PPP2R5E: variants seen among roughly 807,000 people sequenced by gnomAD.
The protein encoded by PPP2R5E is serine/threonine-protein phosphatase 2A 56 kDa regulatory subunit epsilon isoform.
PPP2R5E carries 4 observed loss-of-function variants against 65.3 expected under a neutral mutation model. That is an observed-to-expected ratio of 0.06 (90% CI 0.03 to 0.14). The LOEUF is 0.14. Ranked by LOEUF, PPP2R5E falls within the 10% of genes least tolerant of loss-of-function variation. The pLI, the probability that PPP2R5E is intolerant of heterozygous loss-of-function variation, is 1.00. For missense variants in PPP2R5E, 274 were observed against 556.1 expected (o/e 0.49, Z 5.10); for synonymous variants, 183 against 187.4 (o/e 0.98, Z 0.19).
At chr14:63,405,334 G>A (rs1325419636) in intron 5 of PPP2R5E, among the ~76,000 whole-genome samples, 1 of 152,150 alleles carries the variant, frequency 6.6e-6, no homozygotes, top group Non-Finnish European at 1.5e-5. Context: ...AAGGCCTTGT[G>A]GAATTTATTT....
At chr14:63,391,532 T>C (rs1338565204) in intron 10 of PPP2R5E, among the ~76,000 whole-genome samples, 1 of 152,202 alleles carries the variant, frequency 6.6e-6, no homozygotes, top group African/African-American at 2.4e-5. Context: ...CAAGCGATTC[T>C]CCTGCCTCAG....
intron 3 of PPP2R5E, among the ~76,000 whole-genome samples, chr14:63,445,951 G>A (rs1201782851): frequency 1.3e-5 from 2 of 152,096 alleles, no homozygotes; most frequent in Non-Finnish European, 2.9e-5. Flanking sequence ...ATCCACAATG[G>A]AACTTCTTTT....
At position 63,481,158 on chromosome 14, in the gene PPP2R5E, TA is replaced by T. The variant is rs1890677406; in HGVS notation, c.158-27274del. Among the ~76,000 whole-genome samples the T allele has an allele frequency of 3.3e-5, 5 of 152,132 alleles. No individual in the cohort carries two copies. In the South Asian group the frequency reaches 1.0e-3, roughly 31 times the overall value. Reference sequence around the variant, plus strand: ...TTCCCATTCCTATCTCTTATTTATATAATTAGGATTTGTCAGTGCTCTATCA... The same window carrying T: ...TTCCCATTCCTATCTCTTATTTATATATTAGGATTTGTCAGTGCTCTATCA... On this transcript the variant is annotated intron_variant, in intron 2 of 13. Coordinates refer to ENST00000337537, the MANE Select transcript of PPP2R5E (RefSeq NM_006246.5).
chr14:63,485,688 A>G (rs1890953956), intron 2 of PPP2R5E, among the ~76,000 whole-genome samples: 1 of 152,110 alleles, frequency 6.6e-6, no homozygotes, highest in Non-Finnish European at 1.5e-5. Flanking sequence ...TGCTGAGATT[A>G]CAGGCATGAG....
chr14:63,527,664 G>A (rs1594974281), intron 2 of PPP2R5E, among the ~76,000 whole-genome samples: 1 of 152,122 alleles, frequency 6.6e-6, no homozygotes, highest in African/African-American at 2.4e-5. Flanking sequence ...GCCAGGTGTG[G>A]TGGCTCAATG....
At chr14:63,527,983 A>T (rs1893250645) in intron 2 of PPP2R5E, among the ~76,000 whole-genome samples, 1 of 151,954 alleles carries the variant, frequency 6.6e-6, no homozygotes, top group African/African-American at 2.4e-5. Context: ...AAACTCAGGT[A>T]TGTGTGACCC....
Position 63,474,764 on chromosome 14 carries a change from G to A in PPP2R5E, c.158-20879C>T, listed in dbSNP as rs148952712. On this transcript the variant is annotated intron_variant, in intron 2 of 13. Coordinates refer to ENST00000337537, the MANE Select transcript of PPP2R5E (RefSeq NM_006246.5). ...GAAAAAAAGGAAGAAAAGAAATGTG[G>A]ACACCAACAACATATAAATGGTAAT... 5.2e-3 allele frequency among the ~76,000 whole-genome samples: 791 copies of A among 151,274 alleles called. 5 individuals are homozygous for A. The highest frequency in any genetic ancestry group is 0.018 in the African/African-American group (753 of 41,128).
chr14:63,514,071 C>CTGT (rs1415159727), intron 2 of PPP2R5E, among the ~76,000 whole-genome samples: 2 of 152,142 alleles, frequency 1.3e-5, no homozygotes, highest in Non-Finnish European at 2.9e-5. Flanking sequence ...AGTCTAAGCC[C>CTGT]CAGATATGAC....
chr14:63,420,502 T>C (rs1454121372), intron 4 of PPP2R5E, among the ~76,000 whole-genome samples: 1 of 152,136 alleles, frequency 6.6e-6, no homozygotes, highest in Non-Finnish European at 1.5e-5. Context: ...TTTAACTAAT[T>C]TACCCAGTCT....
At chr14:63,462,979 G>A (rs1889567113) in intron 2 of PPP2R5E, among the ~76,000 whole-genome samples, 2 of 150,676 alleles carry the variant, frequency 1.3e-5, no homozygotes, top group Admixed American at 6.6e-5. Flanking sequence ...GCGCATGCCT[G>A]TAATCCCAGC....
intron 5 of PPP2R5E, among the ~76,000 whole-genome samples, chr14:63,401,993 T>C (rs1885779621): frequency 6.6e-6 from 1 of 152,152 alleles, no homozygotes; most frequent in Non-Finnish European, 1.5e-5. Context: ...CAGATCCCTA[T>C]CCCATGTGGT....
rs536271256 is a variant in PPP2R5E, at chr14:63,385,596, C to T, written c.1075-1025G>A. Among the ~76,000 whole-genome samples the T allele has an allele frequency of 1.1e-4, 16 of 152,204 alleles. No homozygotes were observed. The South Asian group carries it at 1.9e-3, about 18-fold the overall frequency. On this transcript the variant is annotated intron_variant, in intron 11 of 13. Transcript: ENST00000337537. The stretch of plus-strand genomic sequence containing the variant: ...CCCACAGTTGCTCATCCCTGTAGAG[C>T]GGCCAATATTTACTAAGTACCTCCT...
chr14:63,507,768 C>T (rs1056931309), intron 2 of PPP2R5E, among the ~76,000 whole-genome samples: 4 of 151,762 alleles, frequency 2.6e-5, no homozygotes, highest in Admixed American at 6.6e-5. Context: ...TTAGTAGAGA[C>T]GGGGTTTCAC....
At chr14:63,452,344 A>C (rs1013781083) in intron 3 of PPP2R5E, 1 of 152,230 alleles carries the variant, frequency 6.6e-6, no homozygotes, top group East Asian at 1.9e-4. Flanking sequence ...GTTTCTCAAC[A>C]GTGGCACTTG....
intron 5 of PPP2R5E, among the ~76,000 whole-genome samples, chr14:63,412,101 T>A (rs1198540824): frequency 6.6e-6 from 1 of 152,186 alleles, no homozygotes; most frequent in Non-Finnish European, 1.5e-5. Flanking sequence ...GAATAAGGGA[T>A]AAATGATTCC....
Position 63,424,765 on chromosome 14 carries a change from A to G in PPP2R5E, c.355-2671T>C, listed in dbSNP as rs549441638. 2.4e-4 allele frequency among the ~76,000 whole-genome samples: 36 copies of G among 151,972 alleles called. No homozygotes were observed. The East Asian group carries it at 7.0e-3, about 29-fold the overall frequency. On this transcript the variant is annotated intron_variant, in intron 3 of 13. Transcript: ENST00000337537. ...GGCTCCATCTCAAAAAAAAAAAAAAAGACAGAAAGGGTCCTTGGGCACCCA... is the reference window on the plus strand; with the variant it reads ...GGCTCCATCTCAAAAAAAAAAAAAAGGACAGAAAGGGTCCTTGGGCACCCA...
intron 2 of PPP2R5E, among the ~76,000 whole-genome samples, chr14:63,528,096 G>C (rs1300635728): frequency 6.6e-6 from 1 of 151,306 alleles, no homozygotes; most frequent in African/African-American, 2.4e-5. Context: ...AAATACAAAA[G>C]GTAGAAACCA....
At position 63,530,728 on chromosome 14, in the gene PPP2R5E, C is replaced by T. The variant is rs1311904269; in HGVS notation, c.157+8801G>A. On this transcript the variant is annotated intron_variant, in intron 2 of 13. Transcript: ENST00000337537. ...TCTGCCTCCCAGTTCAAGTGATTCT[C>T]CTCAGTCTCCCAAGTAGCTGGGATT... is the stretch of plus-strand genomic sequence containing the variant. 1.8e-4 allele frequency among the ~76,000 whole-genome samples: 27 copies of T among 146,634 alleles called. No homozygotes were observed. The Admixed American group carries it at 1.9e-3, about 10-fold the overall frequency.
intron 2 of PPP2R5E, among the ~76,000 whole-genome samples, chr14:63,510,443 A>G (rs1056204076): frequency 3.9e-5 from 6 of 152,222 alleles, no homozygotes; most frequent in African/African-American, 1.4e-4. Flanking sequence ...AAAATAAACA[A>G]CTGTCAAGTG....
Sources: gnomAD v4.1 joint callset for allele counts (sites outside exome capture counted in the v4.1 genomes callset) on GRCh38, gnomAD v4.1.1 for gene constraint, MANE v1.5 for transcripts, NCBI Gene and HGNC (gene_info 2026-07-23, HGNC 2026-07-21) for gene names.